SLC1A2: variants seen among roughly 807,000 people sequenced by gnomAD.
The protein encoded by SLC1A2 is solute carrier family 1 member 2, also known as excitatory amino acid transporter 2.
SLC1A2 carries 15 observed loss-of-function variants against 48.8 expected under a neutral mutation model. The observed-to-expected ratio is 0.31, with a 90% CI of 0.21 to 0.47. The LOEUF (loss-of-function observed/expected upper bound fraction) is 0.47, where lower values mean the gene tolerates loss of function less well. Among genes scored for constraint, SLC1A2 ranks in the 20% least tolerant of loss-of-function variants. SLC1A2 has a pLI of 0.99. For synonymous variants in SLC1A2, 279 were observed against 272.6 expected, an observed-to-expected ratio of 1.02 and a Z score of -0.23; for missense variants, 502 against 730.5, an observed-to-expected ratio of 0.69 and a Z score of 3.61.
chr11:35,327,706 G>A (rs915633273), intron 1 of SLC1A2, among the ~76,000 whole-genome samples: 4 of 152,152 alleles, frequency 2.6e-5, no homozygotes, highest in African/African-American at 4.8e-5. Flanking sequence ...TTTAAAAAGC[G>A]TTTTTGCATT....
chr11:35,411,462 A>C (rs893380879), intron 1 of SLC1A2, among the ~76,000 whole-genome samples: 1 of 152,154 alleles, frequency 6.6e-6, no homozygotes, highest in African/African-American at 2.4e-5. Context: ...TTTTTTAGAG[A>C]CAGGATCTTG....
chr11:35,320,369 AC>A (rs1163806594), intron 1 of SLC1A2, among the ~76,000 whole-genome samples: 1 of 152,228 alleles, frequency 6.6e-6, no homozygotes, highest in Non-Finnish European at 1.5e-5. Context: ...AGCACATTGT[AC>A]TGTAATTGTC....
chr11:35,395,790 A>G (rs1854935624), intron 1 of SLC1A2, among the ~76,000 whole-genome samples: 1 of 140,242 alleles, frequency 7.1e-6, no homozygotes, highest in African/African-American at 2.7e-5. Flanking sequence ...CTCGTCATCT[A>G]GCATTAGGTA....
At chr11:35,364,757 T>C (rs1485142666) in intron 1 of SLC1A2, among the ~76,000 whole-genome samples, 1 of 152,220 alleles carries the variant, frequency 6.6e-6, no homozygotes, top group African/African-American at 2.4e-5. Flanking sequence ...CTGCACTCAA[T>C]ACAAGTTAGC....
At chr11:35,272,014 G>C (rs1040061304) in intron 9 of SLC1A2, among the ~76,000 whole-genome samples, 20 of 152,312 alleles carry the variant, frequency 1.3e-4, no homozygotes, top group African/African-American at 3.8e-4. Flanking sequence ...ATGATTGATT[G>C]AGAAAGGAAG....
intron 1 of SLC1A2, 188 bp downstream of exon 1, chr11:35,418,762 G>C (rs1855689281): frequency 6.7e-6 from 4 of 596,718 alleles, no homozygotes; most frequent in Non-Finnish European, 1.2e-5. Context: ...ATTTTCAAAG[G>C]ATTAAGCAGC....
chr11:35,396,138 C>T (rs1477165786), intron 1 of SLC1A2, among the ~76,000 whole-genome samples: 77 of 128,774 alleles, frequency 6.0e-4, no homozygotes, highest in Non-Finnish European at 8.2e-4. Flanking sequence ...AATAAACATA[C>T]GTGTGCATGT....
intron 5 of SLC1A2, among the ~76,000 whole-genome samples, chr11:35,303,648 C>T (rs1851418779): frequency 6.6e-6 from 1 of 151,984 alleles, no homozygotes; most frequent in African/African-American, 2.4e-5. Flanking sequence ...TATCAAGGTC[C>T]CAAAGAACTG....
intron 1 of SLC1A2, among the ~76,000 whole-genome samples, chr11:35,369,282 G>A (rs1853974929): frequency 6.6e-6 from 1 of 152,136 alleles, no homozygotes; most frequent in Admixed American, 6.5e-5. Flanking sequence ...CATGTAACTC[G>A]AGGTGAGGGA....
At chr11:35,340,926 T>C (rs1359904215) in intron 1 of SLC1A2, among the ~76,000 whole-genome samples, 1 of 152,180 alleles carries the variant, frequency 6.6e-6, no homozygotes, top group Non-Finnish European at 1.5e-5. Flanking sequence ...AAGGAAATTA[T>C]GTAAGCATAA....
At chr11:35,271,700 GGGTGT>G (rs1850283421) in intron 9 of SLC1A2, among the ~76,000 whole-genome samples, 2 of 152,038 alleles carry the variant, frequency 1.3e-5, no homozygotes, top group Non-Finnish European at 1.5e-5. Flanking sequence ...AAAATTAGCC[GGGTGT>G]GGTGTCGTGC....
chr11:35,350,385 C>G lies in SLC1A2; in HGVS notation c.18-32869G>C, dbSNP rs143622460. On this transcript the variant is annotated intron_variant, in intron 1 of 10. Coordinates refer to ENST00000278379, the MANE Select transcript of SLC1A2 (RefSeq NM_004171.4). ...CATTTATATTAAGTCCAGCATGGAG[C>G]TAGGCATTGTCACAGAGTTTGCCTC... is the stretch of plus-strand genomic sequence containing the variant. Among the ~76,000 whole-genome samples the G allele has an allele frequency of 5.1e-4, 78 of 152,314 alleles. 1 individual carries two copies. The highest frequency in any genetic ancestry group is 1.9e-3 in the African/African-American group (77 of 41,570).
intron 1 of SLC1A2, among the ~76,000 whole-genome samples, chr11:35,400,877 G>A (rs1473067673): frequency 6.6e-6 from 1 of 152,206 alleles, no homozygotes; most frequent in East Asian, 1.9e-4. Flanking sequence ...GCCCAAGGGG[G>A]TTGGGCTATG....
At chr11:35,287,779 G>A (rs1850875114) in intron 7 of SLC1A2, among the ~76,000 whole-genome samples, 1 of 152,192 alleles carries the variant, frequency 6.6e-6, no homozygotes, top group South Asian at 2.1e-4. Flanking sequence ...GTTGCTAAAG[G>A]CCAGAATATT....
chr11:35,300,038 T>G (rs3847607), intron 6 of SLC1A2, among the ~76,000 whole-genome samples: 85,157 of 151,960 alleles, frequency 0.56, 25,822 homozygotes, highest in East Asian at 0.74. Context: ...ACACCAAAAG[T>G]TTCCAATGAT....
chr11:35,292,788 C>T (rs1057486610), intron 6 of SLC1A2, among the ~76,000 whole-genome samples: 2 of 152,148 alleles, frequency 1.3e-5, no homozygotes, highest in African/African-American at 2.4e-5. Context: ...GAGAGACATG[C>T]ATTGCCATCT....
At chr11:35,297,422 C>T (rs1235485511) in intron 6 of SLC1A2, among the ~76,000 whole-genome samples, 2 of 152,146 alleles carry the variant, frequency 1.3e-5, no homozygotes, top group Non-Finnish European at 2.9e-5. Flanking sequence ...TCCAAAATCC[C>T]GTTGCTGTGG....
chr11:35,336,439 A>G (rs1852635034), intron 1 of SLC1A2, among the ~76,000 whole-genome samples: 1 of 152,134 alleles, frequency 6.6e-6, no homozygotes, highest in African/African-American at 2.4e-5. Context: ...ACTTGCTTTC[A>G]CCCAATGGGC....
At chr11:35,387,670 T>G (rs1378123074) in intron 1 of SLC1A2, among the ~76,000 whole-genome samples, 1 of 152,196 alleles carries the variant, frequency 6.6e-6, no homozygotes, top group Non-Finnish European at 1.5e-5. Context: ...AAACCATACA[T>G]GTATAAGACA....
Sources: gnomAD v4.1 joint callset for allele counts (sites outside exome capture counted in the v4.1 genomes callset) on GRCh38, gnomAD v4.1.1 for gene constraint, MANE v1.5 for transcripts, NCBI Gene and HGNC (gene_info 2026-07-23, HGNC 2026-07-21) for gene names.